TOP1: variants seen among roughly 807,000 people sequenced by gnomAD.
TOP1 encodes the protein DNA topoisomerase 1.
A neutral mutation model predicts 111.1 loss-of-function variants in TOP1; 10 were observed. The observed-to-expected ratio is 0.09, with a 90% confidence interval of 0.06 to 0.15. The LOEUF is 0.15. Among genes scored for constraint, TOP1 ranks in the 10% least tolerant of loss-of-function variants. The pLI is 1.00. For missense variants in TOP1, 474 were observed against 926.7 expected (o/e 0.51, Z 6.34); for synonymous variants, 271 against 302.9 (o/e 0.89, Z 1.10).
At position 41,032,559 on chromosome 20, in the gene TOP1, G is replaced by A. The variant is rs2033134214; in HGVS notation, c.58+3104G>A. ...TAGCGATTCTTCTGCTGTTTCAGAG[G>A]TCTTGAAGTTTTTGCCTGTCTGCTA... is the stretch of plus-strand genomic sequence containing the variant. On this transcript the variant is annotated intron_variant, in intron 2 of 20. Transcript: ENST00000361337. This position sits in a 1 kb window ranked among gnomAD's most constrained non-coding sequence, Gnocchi z 4.3. Among the ~76,000 whole-genome samples, 1 of 152,138 alleles carries A rather than the reference G, an allele frequency of 6.6e-6. No homozygotes were observed. The highest frequency in any genetic ancestry group is 1.5e-5 in the Non-Finnish European group (1 of 68,024).
Position 41,116,488 on chromosome 20 carries a change from C to T in TOP1, c.1822+96C>T. ...CCTAGAGTCAGTTCTACTTTTTTTC[C>T]CTACCATTGTGGTCAGACACTTTTT... On this transcript the variant is annotated intron_variant, in intron 17 of 20. Coordinates refer to ENST00000361337, the MANE Select transcript of TOP1 (RefSeq NM_003286.4). The surrounding 1 kb of genome is among the most constrained non-coding windows in gnomAD (Gnocchi z 5.6). The T allele has an allele frequency of 1.1e-6, 1 of 933,988 alleles. No individual in the cohort carries two copies. The highest frequency in any genetic ancestry group is 2.6e-5 in the East Asian group (1 of 38,784). 57.9% of individuals were successfully genotyped at this position (933,988 alleles called of 1,614,324 possible). A position where few individuals can be genotyped will look rare whatever the true frequency, so the allele number is the denominator to read the frequency against.
In TOP1 at chr20:41,101,914, G is replaced by A. The variant is rs923874059; in HGVS notation, c.1308+561G>A. Among the ~76,000 whole-genome samples the A allele has an allele frequency of 6.6e-6, 1 of 152,240 alleles. No individual in the cohort carries two copies. Among genetic ancestry groups the A allele is most frequent in the Non-Finnish European group, 1.5e-5 (1 of 68,032 alleles). On this transcript the variant is annotated intron_variant, in intron 13 of 20. Transcript: ENST00000361337. This position sits in a 1 kb window ranked among gnomAD's most constrained non-coding sequence, Gnocchi z 4.1. Reference sequence around the variant, plus strand: ...AAACTGTGTTACATACCTATGCACTGTTATTTATTGATAGTGTTATTGCAA... The same window carrying A: ...AAACTGTGTTACATACCTATGCACTATTATTTATTGATAGTGTTATTGCAA...
intron 2 of TOP1, among the ~76,000 whole-genome samples, chr20:41,038,165 C>T (rs1370118319): frequency 6.6e-6 from 1 of 152,114 alleles, no homozygotes; most frequent in Non-Finnish European, 1.5e-5. Context: ...CTCCCGGCCT[C>T]CAACCCCCTC....
At chr20:41,090,990 G>C (rs2033913594) in intron 8 of TOP1, among the ~76,000 whole-genome samples, 1 of 152,102 alleles carries the variant, frequency 6.6e-6, no homozygotes, top group African/African-American at 2.4e-5. Context: ...GACCCAGTTT[G>C]ATTATTTTGC....
chr20:41,035,284 A>G (rs908591399), intron 2 of TOP1, among the ~76,000 whole-genome samples: 1 of 152,146 alleles, frequency 6.6e-6, no homozygotes, highest in African/African-American at 2.4e-5. Context: ...ATGTGTAATA[A>G]ATGTTTTAAT....
In TOP1 at chr20:41,061,324, G is replaced by A; in HGVS notation, c.59-70G>A. ...ATCCTGTCATTGTACTTCTTGACCA[G>A]CTTGTCAAGGTAGGCATACAGAAGA... On this transcript the variant is annotated intron_variant, in intron 2 of 20. Coordinates refer to ENST00000361337, the MANE Select transcript of TOP1 (RefSeq NM_003286.4). The surrounding 1 kb of genome is among the most constrained non-coding windows in gnomAD (Gnocchi z 4.6). 6.9e-7 allele frequency: 1 copy of A among 1,439,750 alleles called. No individual in the cohort carries two copies. Among genetic ancestry groups the A allele is most frequent in the Non-Finnish European group, 9.7e-7 (1 of 1,034,530 alleles). The allele number at this position is 1,439,750 out of a possible 1,614,324, so 89.2% of individuals were successfully genotyped here. A position where few individuals can be genotyped will look rare whatever the true frequency, so the allele number is the denominator to read the frequency against.
rs1255097861 is a variant in TOP1 at position 41,092,387 on chromosome 20, G to A, written c.615-85G>A. 9 of 619,838 alleles carry A rather than the reference G, an allele frequency of 1.5e-5. No individual in the cohort carries two copies. Among genetic ancestry groups the A allele is most frequent in the South Asian group, 1.1e-4 (4 of 37,500 alleles). The allele number at this position is 619,838 out of a possible 1,614,324, so 38.4% of individuals were successfully genotyped here. ...ATTCCAGAGCACTAATCAGTTGAGC[G>A]GATAATTATTTGGCATTTAATCAGT... On this transcript the variant is annotated intron_variant, in intron 8 of 20. Coordinates refer to ENST00000361337, the MANE Select transcript of TOP1 (RefSeq NM_003286.4). The surrounding 1 kb of genome is among the most constrained non-coding windows in gnomAD (Gnocchi z 4.3).
At chr20:41,074,604 A>ATC (rs1013649297) in intron 3 of TOP1, among the ~76,000 whole-genome samples, 50 of 152,052 alleles carry the variant, frequency 3.3e-4, no homozygotes, top group African/African-American at 1.2e-3. Context: ...TCAAGTACCT[A>ATC]TCTCAAGTTG....
intron 13 of TOP1, among the ~76,000 whole-genome samples, chr20:41,105,797 T>G (rs2145957426): frequency 6.6e-6 from 1 of 152,324 alleles, no homozygotes; most frequent in African/African-American, 2.4e-5. Context: ...ACCCTGCCTC[T>G]ATTCTCTTGT....
rs569556159 is a variant in TOP1, at chr20:41,072,957, GTTTTTGTGA to G, written c.156-3211_156-3203del. 56 of 985,382 alleles carry G rather than the reference GTTTTTGTGA, an allele frequency of 5.7e-5. No homozygotes were observed. The African/African-American group carries it at 9.1e-4, about 16-fold the overall frequency. 61.0% of individuals were successfully genotyped at this position (985,382 alleles called of 1,614,324 possible). ...AGGATGATAGCTTCATCCCATTCTG[GTTTTTGTGA>G]TTAATTGTGACCTACAAAGGGGTTT... is the stretch of plus-strand genomic sequence containing the variant. On this transcript the variant is annotated intron_variant, in intron 3 of 20. Transcript: ENST00000361337.
chr20:41,114,263 C>T lies in TOP1; in HGVS notation c.1638+108C>T. On this transcript the variant is annotated intron_variant, in intron 15 of 20. Coordinates refer to ENST00000361337, the MANE Select transcript of TOP1 (RefSeq NM_003286.4). The surrounding 1 kb of genome is among the most constrained non-coding windows in gnomAD (Gnocchi z 4.5). ...CTTTGCTGGGCACCAGCAAAAGTGA[C>T]TTGAGACAGGCAACATGGCACATGC... The T allele has an allele frequency of 3.1e-6, 3 of 973,162 alleles. No individual in the cohort carries two copies. The highest frequency in any genetic ancestry group is 4.7e-6 in the Non-Finnish European group (3 of 639,744). 60.3% of individuals were successfully genotyped at this position (973,162 alleles called of 1,614,324 possible).
At chr20:41,066,581 G>A (rs2033610672) in intron 3 of TOP1, among the ~76,000 whole-genome samples, 1 of 132,552 alleles carries the variant, frequency 7.5e-6, no homozygotes, top group Admixed American at 8.3e-5. Flanking sequence ...TTTTGAGACA[G>A]TCTTGCTCTG....
rs997169618 is a variant in TOP1, at chr20:41,029,172, G to T, written c.33+72G>T. On this transcript the variant is annotated intron_variant, in intron 1 of 20. Transcript: ENST00000361337. This position sits in a 1 kb window ranked among gnomAD's most constrained non-coding sequence, Gnocchi z 6.1. Reference sequence around the variant, plus strand: ...TCCCGCGACCCCCGGCGCAGGCCCCGACCCCAGCCCCGGCCCGGCAGCTTT... The same window carrying T: ...TCCCGCGACCCCCGGCGCAGGCCCCTACCCCAGCCCCGGCCCGGCAGCTTT... 2 of 1,224,966 alleles carry T rather than the reference G, an allele frequency of 1.6e-6. No homozygotes were observed. Among genetic ancestry groups the T allele is most frequent in the Non-Finnish European group, 1.1e-6 (1 of 931,582 alleles). The allele number at this position is 1,224,966 out of a possible 1,614,324, so 75.9% of individuals were successfully genotyped here. A position where few individuals can be genotyped will look rare whatever the true frequency, so the allele number is the denominator to read the frequency against.
At chr20:41,047,795 T>A (rs1029882818) in intron 2 of TOP1, among the ~76,000 whole-genome samples, 1 of 152,192 alleles carries the variant, frequency 6.6e-6, no homozygotes, top group Admixed American at 6.5e-5. Context: ...CACAGGAAGC[T>A]CACCAGGACT....
chr20:41,076,425 A>T, intron 4 of TOP1, 131 bp downstream of exon 4: 2 of 1,277,552 alleles, frequency 1.6e-6, no homozygotes. Flanking sequence ...GAGAATTTAG[A>T]GCAAACTGTA....
chr20:41,084,628 A>G, intron 8 of TOP1, 60 bp downstream of exon 8: 2 of 947,696 alleles, frequency 2.1e-6, no homozygotes, highest in Non-Finnish European at 3.1e-6. Context: ...TTACGAAGCA[A>G]GAGTATTGAG....
chr20:41,034,412 C>G lies in TOP1; in HGVS notation c.58+4957C>G, dbSNP rs1248443843. Among the ~76,000 whole-genome samples, 1 of 152,136 alleles carries G rather than the reference C, an allele frequency of 6.6e-6. No homozygotes were observed. Among genetic ancestry groups the G allele is most frequent in the East Asian group, 1.9e-4 (1 of 5,200 alleles). Reference sequence around the variant, plus strand: ...GGAATAATTAGCATTTTGCCAACCCCCACCCTCCCTGCCACCTGCCTATCT... The same window carrying G: ...GGAATAATTAGCATTTTGCCAACCCGCACCCTCCCTGCCACCTGCCTATCT... On this transcript the variant is annotated intron_variant, in intron 2 of 20. Transcript: ENST00000361337. The surrounding 1 kb of genome is among the most constrained non-coding windows in gnomAD (Gnocchi z 4.0).
At chr20:41,063,663 T>A (rs1917755734) in intron 3 of TOP1, among the ~76,000 whole-genome samples, 1 of 152,238 alleles carries the variant, frequency 6.6e-6, no homozygotes, top group Non-Finnish European at 1.5e-5. Flanking sequence ...TCATTGTGGT[T>A]TTGATTTGCA....
chr20:41,104,437 G>A (rs1226200826), intron 13 of TOP1, among the ~76,000 whole-genome samples: 1 of 152,222 alleles, frequency 6.6e-6, no homozygotes, highest in Non-Finnish European at 1.5e-5. Context: ...CATAATGTAT[G>A]CTGAGTACTT....
Sources: allele counts gnomAD v4.1 joint callset (sites outside exome capture counted in the v4.1 genomes callset), GRCh38; gene constraint gnomAD v4.1.1; non-coding constraint Gnocchi (gnomAD v3.1); transcripts MANE v1.5; gene names NCBI Gene and HGNC (gene_info 2026-07-23, HGNC 2026-07-21).